SYNJ2BP: variants seen among roughly 807,000 people sequenced by gnomAD.
The protein encoded by SYNJ2BP is synaptojanin 2 binding protein, also known as synaptojanin-2-binding protein.
In SYNJ2BP, 10 loss-of-function variants were observed where a neutral mutation model predicts 16.9. The observed-to-expected ratio is 0.59, with a 90% CI of 0.36 to 1.00. SYNJ2BP has a LOEUF of 1.00. SYNJ2BP is among the 50% of genes least tolerant of loss of function. The pLI is 0.01. For missense variants in SYNJ2BP, 162 were observed against 186.7 expected (o/e 0.87, Z 0.77); for synonymous variants, 54 against 68.4 (o/e 0.79, Z 1.04).
intron 2 of SYNJ2BP, among the ~76,000 whole-genome samples, chr14:70,376,566 C>T (rs1284232568): frequency 1.3e-5 from 2 of 152,212 alleles, no homozygotes; most frequent in Non-Finnish European, 2.9e-5. Flanking sequence ...ATCTTTTATA[C>T]TTGTCAATGT....
chr14:70,406,423 T>C, intron 1 of SYNJ2BP, among the ~76,000 whole-genome samples: 1 of 152,142 alleles, frequency 6.6e-6, no homozygotes, highest in East Asian at 1.9e-4. Flanking sequence ...CAGTTTAACT[T>C]TGAAACAAAG....
chr14:70,391,865 T>C (rs1246894760), intron 1 of SYNJ2BP, among the ~76,000 whole-genome samples: 2 of 152,236 alleles, frequency 1.3e-5, no homozygotes, highest in Non-Finnish European at 2.9e-5. Flanking sequence ...TGAACCAAAC[T>C]ATTTAACATG....
At chr14:70,375,205 CTTT>C (rs201793770) in intron 3 of SYNJ2BP, among the ~76,000 whole-genome samples, 1 of 121,202 alleles carries the variant, frequency 8.3e-6, no homozygotes. Flanking sequence ...CTCTTTTTTT[CTTT>C]TTTTTTTTTT....
chr14:70,388,920 C>CT (rs1224065550), intron 1 of SYNJ2BP, among the ~76,000 whole-genome samples: 1 of 148,552 alleles, frequency 6.7e-6, no homozygotes, highest in Non-Finnish European at 1.5e-5. Flanking sequence ...GTTCGTTCTT[C>CT]TTTTTCTTTT....
chr14:70,385,978 T>C (rs192936853), intron 2 of SYNJ2BP, among the ~76,000 whole-genome samples: 132 of 152,352 alleles, frequency 8.7e-4, no homozygotes, highest in African/African-American at 3.0e-3. Context: ...TACCTGACAT[T>C]TAGTGCTCAA....
chr14:70,387,344 G>C (rs1413178464), intron 2 of SYNJ2BP, among the ~76,000 whole-genome samples: 3 of 152,232 alleles, frequency 2.0e-5, no homozygotes, highest in Non-Finnish European at 4.4e-5. Context: ...TGGTAAGGTA[G>C]AGAAATGAAC....
chr14:70,398,050 G>C (rs7494360), intron 1 of SYNJ2BP, among the ~76,000 whole-genome samples: 450 of 50,572 alleles, frequency 8.9e-3, no homozygotes, highest in South Asian at 0.018. Context: ...TCAGCAGAGA[G>C]GGTAGCTCCT....
chr14:70,382,097 G>T (rs998809958), intron 2 of SYNJ2BP, among the ~76,000 whole-genome samples: 1 of 152,106 alleles, frequency 6.6e-6, no homozygotes, highest in Admixed American at 6.5e-5. Flanking sequence ...TTAGCTGGAC[G>T]TGGTGGCAGG....
chr14:70,395,734 T>A (rs1032642399), intron 1 of SYNJ2BP, among the ~76,000 whole-genome samples: 1 of 152,210 alleles, frequency 6.6e-6, no homozygotes, highest in African/African-American at 2.4e-5. Context: ...ACCACCTATA[T>A]CTGGAACTTT....
chr14:70,405,769 TTTC>T (rs1319036261), intron 1 of SYNJ2BP, among the ~76,000 whole-genome samples: 1 of 152,216 alleles, frequency 6.6e-6, no homozygotes, highest in Non-Finnish European at 1.5e-5. Flanking sequence ...TAAACAATAT[TTTC>T]ATATACTAAG....
intron 1 of SYNJ2BP, among the ~76,000 whole-genome samples, chr14:70,397,180 T>C (rs997263035): frequency 2.0e-4 from 30 of 152,312 alleles, no homozygotes; most frequent in African/African-American, 6.7e-4. Context: ...AATCCAACTT[T>C]CACATACTTC....
Position 70,370,710 on chromosome 14 carries a change from T to C in SYNJ2BP, c.*2281A>G, listed in dbSNP as rs1017606842. On this transcript the variant is annotated 3_prime_UTR_variant, in exon 4 of 4. Transcript: ENST00000256366. ...TGTTTTGCATGGTACCCCTTTAATA[T>C]TGTTTTCAATACTTAGCCTGCTGAT... is the stretch of plus-strand genomic sequence containing the variant. The C allele has an allele frequency of 1.3e-5, 2 of 152,222 alleles. No individual in the cohort carries two copies. The highest frequency in any genetic ancestry group is 2.9e-5 in the Non-Finnish European group (2 of 68,042). 9.4% of individuals were successfully genotyped at this position (152,222 alleles called of 1,614,324 possible).
intron 1 of SYNJ2BP, among the ~76,000 whole-genome samples, chr14:70,415,927 T>C (rs1296613469): frequency 2.0e-5 from 3 of 152,238 alleles, no homozygotes; most frequent in African/African-American, 7.2e-5. Flanking sequence ...ACTCATTTCA[T>C]TCTCACAACA....
chr14:70,391,156 C>A (rs902408804), intron 1 of SYNJ2BP, among the ~76,000 whole-genome samples: 1 of 151,882 alleles, frequency 6.6e-6, no homozygotes, highest in Non-Finnish European at 1.5e-5. Context: ...AAAAAGCATA[C>A]CTTGTGCATA....
chr14:70,413,799 A>G (rs1044343845), intron 1 of SYNJ2BP, among the ~76,000 whole-genome samples: 1 of 152,120 alleles, frequency 6.6e-6, no homozygotes, highest in Non-Finnish European at 1.5e-5. Context: ...GCCTTATAAT[A>G]TGGGCCCAAA....
chr14:70,379,084 G>A (rs556343273), intron 2 of SYNJ2BP, among the ~76,000 whole-genome samples: 1 of 152,226 alleles, frequency 6.6e-6, no homozygotes, highest in East Asian at 1.9e-4. Context: ...TCCCAGGCAT[G>A]TCCTTAACCT....
chr14:70,401,788 G>A (rs1888243621), intron 1 of SYNJ2BP, among the ~76,000 whole-genome samples: 1 of 151,822 alleles, frequency 6.6e-6, no homozygotes, highest in Admixed American at 6.6e-5. Context: ...GACTACAGGA[G>A]CACACCACCA....
chr14:70,389,688 T>C (rs1224489369), intron 1 of SYNJ2BP, among the ~76,000 whole-genome samples: 1 of 152,222 alleles, frequency 6.6e-6, no homozygotes, highest in Non-Finnish European at 1.5e-5. Flanking sequence ...CCTTTGAACG[T>C]CATGTTGGCC....
At chr14:70,378,869 C>A (rs1324024005) in intron 2 of SYNJ2BP, among the ~76,000 whole-genome samples, 3 of 152,194 alleles carry the variant, frequency 2.0e-5, no homozygotes, top group Non-Finnish European at 2.9e-5. Context: ...GGTTAAATAT[C>A]TCCACAGGTA....
Sources: allele counts gnomAD v4.1 joint callset (sites outside exome capture counted in the v4.1 genomes callset), GRCh38; gene constraint gnomAD v4.1.1; transcripts MANE v1.5; gene names NCBI Gene and HGNC (gene_info 2026-07-23, HGNC 2026-07-21).